Variants in SH3TC2 observed in about 807,000 individuals in gnomAD.
The protein encoded by SH3TC2 is SH3 domain and tetratricopeptide repeats 2, also known as SH3 domain and tetratricopeptide repeat-containing protein 2.
Under a neutral mutation model 124.5 loss-of-function variants are expected in SH3TC2, and 87 were observed. The ratio of observed to expected loss-of-function variants is 0.70; its 90% CI spans 0.59 to 0.84. The LOEUF is 0.84. Among genes scored for constraint, SH3TC2 ranks in the 40% least tolerant of loss-of-function variants. SH3TC2 has a pLI of 0.00. For missense variants in SH3TC2, 1,536 were observed against 1,566.4 expected, an observed-to-expected ratio of 0.98 and a Z score of 0.33; for synonymous variants, 634 against 628.5, an observed-to-expected ratio of 1.01 and a Z score of -0.13.
chr5:149,008,671 T>C (rs1045404741), intron 15 of SH3TC2, 180 bp downstream of exon 15: 3 of 774,418 alleles, frequency 3.9e-6, no homozygotes, highest in Admixed American at 2.2e-5. Context: ...GATTTGGTGA[T>C]GACAAGCTTG....
chr5:149,055,588 G>A (rs530068665), intron 1 of SH3TC2, among the ~76,000 whole-genome samples: 19 of 152,230 alleles, frequency 1.2e-4, no homozygotes, highest in African/African-American at 4.6e-4. Flanking sequence ...CTGCAAGTGT[G>A]AAGATAAACT....
At chr5:149,021,882 T>TTTAAGAAATTGAAGAGGAAGGAA (rs1753977762) in intron 12 of SH3TC2, among the ~76,000 whole-genome samples, 2 of 55,302 alleles carry the variant, frequency 3.6e-5, no homozygotes, top group African/African-American at 2.5e-4. Context: ...CACAAACTCT[T>TTTAAGAAATTGAAGAGGAAGGAA]TCTTTTTTTT....
intron 10 of SH3TC2, 35 bp downstream of exon 10, chr5:149,028,642 G>A (rs749470134): frequency 3.7e-6 from 6 of 1,614,174 alleles, no homozygotes; most frequent in Non-Finnish European, 5.1e-6. Context: ...CTGTCCTCAA[G>A]GATGAATGTC....
chr5:149,019,298 T>G (rs1467291915), intron 12 of SH3TC2, among the ~76,000 whole-genome samples: 1 of 152,220 alleles, frequency 6.6e-6, no homozygotes, highest in African/African-American at 2.4e-5. Flanking sequence ...TTCTTGTATT[T>G]TTTTTAATGT....
At chr5:149,016,274 C>A (rs78201144) in intron 12 of SH3TC2, among the ~76,000 whole-genome samples, 1,766 of 152,300 alleles carry the variant, frequency 0.012, 35 homozygotes, top group African/African-American at 0.04. Context: ...ATCTAACTTT[C>A]AGAGTCTGAC....
At chr5:149,053,294 G>A (rs1356124860) in intron 1 of SH3TC2, among the ~76,000 whole-genome samples, 2 of 152,190 alleles carry the variant, frequency 1.3e-5, no homozygotes, top group Non-Finnish European at 2.9e-5. Context: ...TTCTCATATT[G>A]CTGCTAATAG....
At chr5:149,051,002 G>A (rs972617953) in intron 2 of SH3TC2, among the ~76,000 whole-genome samples, 5 of 152,102 alleles carry the variant, frequency 3.3e-5, no homozygotes, top group Admixed American at 3.3e-4. Flanking sequence ...CTTCCACCTA[G>A]CGATGGGCAA....
In SH3TC2 at chr5:149,027,169, C is replaced by A. The variant is rs1253383186; in HGVS notation, c.2563G>T (p.Ala855Ser). The change falls in exon 11 of 17, where the codon GCA (alanine) becomes TCA (serine). Residue 855 changes from alanine to serine, a missense_variant. Physicochemically the swap from Ala to Ser is moderately conservative, Grantham distance 99 (BLOSUM62 1). This residue lies in a region of SH3TC2 where 1,102 missense variants were observed against 1,098.6 expected (regional missense o/e 1.00). Coordinates refer to ENST00000515425, the MANE Select transcript of SH3TC2 (RefSeq NM_024577.4). ...ALQGEGRVNR[A>S]AKSYLRALNR... ...AAGGCCCGAAGATAGCTCTTGGCTG[C>A]CCTGTTCACCCGGCCTTCACCTTGG... The A allele has an allele frequency of 6.2e-7, 1 of 1,614,198 alleles. No homozygotes were observed. Among genetic ancestry groups the A allele is most frequent in the East Asian group, 2.2e-5 (1 of 44,874 alleles).
At chr5:149,018,949 T>A (rs922684371) in intron 12 of SH3TC2, among the ~76,000 whole-genome samples, 2 of 152,010 alleles carry the variant, frequency 1.3e-5, no homozygotes, top group Non-Finnish European at 2.9e-5. Flanking sequence ...CCTACAAACC[T>A]CCCCCTACAG....
intron 16 of SH3TC2, among the ~76,000 whole-genome samples, chr5:149,005,141 GAGGCTCAGCCAATCATGAA>G (rs933235633): frequency 4.6e-5 from 7 of 152,166 alleles, no homozygotes; most frequent in African/African-American, 1.7e-4. Flanking sequence ...GTCCCTTACT[GAGGCTCAGCCAATCATGAA>G]ACATCATTGC....
intron 8 of SH3TC2, 88 bp downstream of exon 8, chr5:149,038,207 G>T: frequency 7.4e-7 from 1 of 1,343,502 alleles, no homozygotes; most frequent in Non-Finnish European, 1.1e-6. Flanking sequence ...GGGCACCCTC[G>T]AAGCTCAACT....
In SH3TC2 at chr5:149,012,674, C is replaced by T; in HGVS notation, c.3114G>A (p.Gly1038=). Residue 1038 remains glycine (G), a synonymous_variant, in exon 13 of 17, where the codon GGG becomes GGA. Transcript: ENST00000515425. The part of the protein sequence containing the change: ...KESLRIFIDL[G]ETDKAAEAWL... Reference sequence around the variant, plus strand: ...AGGCCTCAGCAGCCTTGTCTGTCTCCCCCAGGTCAATGAAGATACGCAGGC... The same window carrying T: ...AGGCCTCAGCAGCCTTGTCTGTCTCTCCCAGGTCAATGAAGATACGCAGGC... The T allele has an allele frequency of 1.2e-6, 2 of 1,614,158 alleles. No homozygotes were observed. The highest frequency in any genetic ancestry group is 1.1e-5 in the South Asian group (1 of 91,082).
At chr5:149,021,593 A>C (rs1431525334) in intron 12 of SH3TC2, among the ~76,000 whole-genome samples, 1 of 152,118 alleles carries the variant, frequency 6.6e-6, no homozygotes, top group African/African-American at 2.4e-5. Context: ...TCAACTTTAT[A>C]GAAATTATAA....
rs1753342809 is a variant in SH3TC2, at chr5:148,986,947, G to T, written c.*17764C>A. Among the ~76,000 whole-genome samples, 1 of 152,214 alleles carries T rather than the reference G, an allele frequency of 6.6e-6. No homozygotes were observed. The highest frequency in any genetic ancestry group is 2.1e-4 in the South Asian group (1 of 4,832). ...ATCAAGAATTCCAAGGAGAGGCAGA[G>T]TTTTCAAAGACTCCAGTTCAATGCC... On this transcript the variant is annotated 3_prime_UTR_variant, in exon 17 of 17. Transcript: ENST00000515425.
At position 149,010,386 on chromosome 5, in the gene SH3TC2, T is replaced by C. The variant is rs1753764548; in HGVS notation, c.3211A>G (p.Ile1071Val). Residue 1071 changes from isoleucine (I) to valine (V), a missense_variant, in exon 14 of 17, where the codon ATC (isoleucine) becomes GTC (valine). Ile to Val is a conservative substitution (Grantham distance 29). Around this residue, in one of 3 missense-constraint regions of SH3TC2, gnomAD observed 426 missense variants for 443.5 expected, o/e 0.96. Transcript: ENST00000515425. The part of the protein sequence containing the change: ...ELVELCLQAA[I>V]QTALKSEEPL... ...TCCTCTGACTTCAGGGCTGTCTGGA[T>C]GGCTGCCTAGGTGGGACAGAGACAG... is the stretch of plus-strand genomic sequence containing the variant. The C allele has an allele frequency of 1.2e-6, 2 of 1,613,824 alleles. No homozygotes were observed. Among genetic ancestry groups the C allele is most frequent in the African/African-American group, 1.3e-5 (1 of 74,920 alleles).
intron 8 of SH3TC2, among the ~76,000 whole-genome samples, chr5:149,033,399 C>T (rs1222065393): frequency 1.3e-5 from 2 of 152,098 alleles, no homozygotes; most frequent in Non-Finnish European, 2.9e-5. Flanking sequence ...AAATCTGTAA[C>T]AAAGATGAAT....
At chr5:149,035,361 G>A (rs999869035) in intron 8 of SH3TC2, 4 of 152,076 alleles carry the variant, frequency 2.6e-5, no homozygotes, top group African/African-American at 4.8e-5. Flanking sequence ...ATACTTTAGG[G>A]AGTAATACAC....
intron 3 of SH3TC2, 66 bp downstream of exon 3, chr5:149,047,796 C>G (rs755405847): frequency 1.1e-5 from 17 of 1,606,248 alleles, no homozygotes; most frequent in Non-Finnish European, 2.6e-6. Context: ...GTCTTAGATG[C>G]TAGGGATCCT....
In SH3TC2 at chr5:148,996,816, T is replaced by C. The variant is rs565119743; in HGVS notation, c.*7895A>G. Reference sequence around the variant, plus strand: ...AAGTAGCTGAGAGTCATACAGATCATGTTTAACTATGGTCCGCTAGATTTG... The same window carrying C: ...AAGTAGCTGAGAGTCATACAGATCACGTTTAACTATGGTCCGCTAGATTTG... On this transcript the variant is annotated 3_prime_UTR_variant, in exon 17 of 17. Coordinates refer to ENST00000515425, the MANE Select transcript of SH3TC2 (RefSeq NM_024577.4). Among the ~76,000 whole-genome samples the C allele has an allele frequency of 6.6e-6, 1 of 152,336 alleles. No individual in the cohort carries two copies. The highest frequency in any genetic ancestry group is 1.9e-4 in the East Asian group (1 of 5,186).
Sources: gnomAD v4.1 joint callset for allele counts (sites outside exome capture counted in the v4.1 genomes callset) on GRCh38, gnomAD v4.1.1 for gene constraint, gnomAD v4.1.1 regional missense constraint, MANE v1.5 for transcripts, NCBI Gene and HGNC (gene_info 2026-07-23, HGNC 2026-07-21) for gene names.